UTRN: variants seen among roughly 807,000 people sequenced by gnomAD.
UTRN encodes utrophin.
Under a neutral mutation model 463.9 loss-of-function variants are expected in UTRN, and 283 were observed. The ratio of observed to expected loss-of-function variants is 0.61; its 90% CI spans 0.55 to 0.67. The LOEUF (loss-of-function observed/expected upper bound fraction) is 0.67, where lower values mean the gene tolerates loss of function less well. Ranked by LOEUF, UTRN falls within the 30% of genes least tolerant of loss-of-function variation. The pLI is 0.00. For missense variants in UTRN, 3,922 were observed against 4,084.3 expected (o/e 0.96, Z 1.08); for synonymous variants, 1,442 against 1,431.5 (o/e 1.01, Z -0.17).
At chr6:144,552,637 G>A (rs1799027962) in intron 48 of UTRN, among the ~76,000 whole-genome samples, 1 of 151,994 alleles carries the variant, frequency 6.6e-6, no homozygotes, top group Non-Finnish European at 1.5e-5. Flanking sequence ...TGTGTGTAGA[G>A]GTTCTATAAC....
chr6:144,314,415 C>A (rs552372636), intron 2 of UTRN, among the ~76,000 whole-genome samples: 1 of 152,346 alleles, frequency 6.6e-6, no homozygotes, highest in South Asian at 2.1e-4. Flanking sequence ...GGAGCTGTTG[C>A]TGTGCTCAGA....
At chr6:144,838,861 G>GTT (rs1781320818) in intron 71 of UTRN, among the ~76,000 whole-genome samples, 1 of 152,292 alleles carries the variant, frequency 6.6e-6, no homozygotes, top group Admixed American at 6.5e-5. Context: ...CAGTGCTGAT[G>GTT]TTTAAAATAT....
intron 54 of UTRN, among the ~76,000 whole-genome samples, chr6:144,735,251 G>C (rs1167853316): frequency 6.6e-6 from 1 of 152,224 alleles, no homozygotes; most frequent in East Asian, 1.9e-4. Flanking sequence ...GAGGGTCAGA[G>C]TGGAGAGAGG....
In UTRN at chr6:144,759,806, G is replaced by A. The variant is rs9390212; in HGVS notation, c.8495+1817G>A. 1.7e-3 allele frequency among the ~76,000 whole-genome samples: 262 copies of A among 152,114 alleles called. 4 individuals are homozygous for A. In the East Asian group the frequency reaches 0.04, roughly 23 times the overall value. On this transcript the variant is annotated intron_variant, in intron 58 of 74. Transcript: ENST00000367545. Reference sequence around the variant, plus strand: ...ATTCTCTCTTAGAACCTCCAGAGAAGGAATTCAGCCCTGCCAACTTTGATT... The same window carrying A: ...ATTCTCTCTTAGAACCTCCAGAGAAAGAATTCAGCCCTGCCAACTTTGATT...
intron 2 of UTRN, among the ~76,000 whole-genome samples, chr6:144,304,354 G>C (rs888917378): frequency 2.6e-5 from 4 of 152,078 alleles, no homozygotes; most frequent in Non-Finnish European, 5.9e-5. Flanking sequence ...TTGTTGCCTT[G>C]CCTCTACAAC....
In UTRN at chr6:144,715,236, T is replaced by G. The variant is rs545056518; in HGVS notation, c.7809+14993T>G. Among the ~76,000 whole-genome samples the G allele has an allele frequency of 2.0e-5, 3 of 152,290 alleles. No homozygotes were observed. In the East Asian group the frequency reaches 5.8e-4, roughly 29 times the overall value. On this transcript the variant is annotated intron_variant, in intron 53 of 74. Transcript: ENST00000367545. ...AGGAATATTATTTCAGTTGCTTAGG[T>G]AACAAATAATAATCACCTTTAGTCC...
rs1354460990 is a variant in UTRN, at chr6:144,414,422, A to G, written c.142-7456A>G. Among the ~76,000 whole-genome samples, 3 of 152,318 alleles carry G rather than the reference A, an allele frequency of 2.0e-5. No individual in the cohort carries two copies. The East Asian group carries it at 5.8e-4, about 29-fold the overall frequency. On this transcript the variant is annotated intron_variant, in intron 3 of 74. Coordinates refer to ENST00000367545, the MANE Select transcript of UTRN (RefSeq NM_007124.3). ...GCCTTGTAGAATAAGGACAAAATGA[A>G]ACAGAATATTCTTGCACAGATGTGT...
At chr6:144,729,257 C>T (rs1342544154) in intron 53 of UTRN, among the ~76,000 whole-genome samples, 2 of 152,010 alleles carry the variant, frequency 1.3e-5, no homozygotes, top group African/African-American at 2.4e-5. Flanking sequence ...TGCTTAGATC[C>T]ATATTTTTAT....
intron 38 of UTRN, 38 bp downstream of exon 38, chr6:144,516,425 T>C (rs1795613146): frequency 1.3e-6 from 2 of 1,579,172 alleles, no homozygotes; most frequent in Non-Finnish European, 1.7e-6. Flanking sequence ...GGTGGTCTCA[T>C]TTTTCTTCTC....
chr6:144,735,918 A>C (rs1022097552), intron 54 of UTRN, among the ~76,000 whole-genome samples: 4 of 146,272 alleles, frequency 2.7e-5, no homozygotes, highest in Non-Finnish European at 5.9e-5. Flanking sequence ...GATACACAGA[A>C]AAAAAAAATA....
chr6:144,337,178 GAC>G (rs531924321), intron 2 of UTRN, among the ~76,000 whole-genome samples: 130 of 124,022 alleles, frequency 1.0e-3, no homozygotes, highest in African/African-American at 4.9e-3. Flanking sequence ...CACACACACA[GAC>G]ACACACACAC....
chr6:144,723,454 A>G (rs1006573186), intron 53 of UTRN, among the ~76,000 whole-genome samples: 1 of 152,156 alleles, frequency 6.6e-6, no homozygotes, highest in Non-Finnish European at 1.5e-5. Context: ...TGCTTTCTAT[A>G]TATGTCTAGG....
At chr6:144,557,356 G>T (rs1191151084) in intron 50 of UTRN, 45 bp downstream of exon 50, 3 of 1,567,884 alleles carry the variant, frequency 1.9e-6, no homozygotes, top group Non-Finnish European at 2.6e-6. Flanking sequence ...GTCAAGTTGA[G>T]AATTTGATGG....
chr6:144,850,019 G>C (rs1270482079), intron 74 of UTRN, among the ~76,000 whole-genome samples: 1 of 152,192 alleles, frequency 6.6e-6, no homozygotes, highest in Admixed American at 6.5e-5. Flanking sequence ...TTCCACACCT[G>C]CTTCACAGGA....
intron 39 of UTRN, among the ~76,000 whole-genome samples, chr6:144,520,422 A>G (rs1340742392): frequency 6.6e-6 from 1 of 152,198 alleles, no homozygotes; most frequent in African/African-American, 2.4e-5. Context: ...AAAACACAGA[A>G]TTTGTTTCCT....
chr6:144,636,137 A>G (rs1002035966), intron 51 of UTRN, among the ~76,000 whole-genome samples: 11 of 152,156 alleles, frequency 7.2e-5, no homozygotes, highest in African/African-American at 2.7e-4. Context: ...GTAAGCCGTC[A>G]TGATTTGTTT....
chr6:144,533,643 C>A (rs184178793), intron 43 of UTRN, among the ~76,000 whole-genome samples: 4 of 151,980 alleles, frequency 2.6e-5, no homozygotes, highest in African/African-American at 9.7e-5. Flanking sequence ...CTTAGTAATA[C>A]GTCTCACTAA....
chr6:144,612,581 T>C (rs972210879), intron 51 of UTRN, among the ~76,000 whole-genome samples: 1 of 152,026 alleles, frequency 6.6e-6, no homozygotes, highest in African/African-American at 2.4e-5. Flanking sequence ...ACAGAAATGA[T>C]CATCAGGTAC....
intron 23 of UTRN, among the ~76,000 whole-genome samples, chr6:144,471,093 A>G (rs1307636151): frequency 6.8e-5 from 4 of 59,232 alleles, no homozygotes; most frequent in East Asian, 5.1e-4. Flanking sequence ...GGGGAGGGGG[A>G]GAGGGAGAGG....
Sources: gnomAD v4.1 joint callset for allele counts (sites outside exome capture counted in the v4.1 genomes callset) on GRCh38, gnomAD v4.1.1 for gene constraint, MANE v1.5 for transcripts, NCBI Gene and HGNC (gene_info 2026-07-23, HGNC 2026-07-21) for gene names.